Variants in UBR3 observed in about 807,000 individuals in gnomAD.
UBR3 encodes ubiquitin protein ligase E3 component n-recognin 3.
In UBR3, 85 loss-of-function variants were observed where a neutral mutation model predicts 243.2. The ratio of observed to expected loss-of-function variants is 0.35; its 90% CI spans 0.29 to 0.42. The LOEUF (loss-of-function observed/expected upper bound fraction) is 0.42, where lower values mean the gene tolerates loss of function less well. Ranked by LOEUF, UBR3 falls within the 10% of genes least tolerant of loss-of-function variation. UBR3 has a pLI of 1.00. For synonymous variants in UBR3, 748 were observed against 799.8 expected (o/e 0.94, Z 1.09); for missense variants, 1,686 against 2,300.8 (o/e 0.73, Z 5.47).
chr2:169,839,096 T>G (rs1441349237), intron 1 of UBR3, among the ~76,000 whole-genome samples: 1 of 152,206 alleles, frequency 6.6e-6, no homozygotes, highest in African/African-American at 2.4e-5. Context: ...CCATTCATAG[T>G]AGCCAAAATA....
At chr2:169,909,739 G>GTA (rs1252289646) in intron 10 of UBR3, among the ~76,000 whole-genome samples, 3 of 114,802 alleles carry the variant, frequency 2.6e-5, no homozygotes, top group Admixed American at 9.1e-5. Flanking sequence ...ATGTGTGTGT[G>GTA]TGTATATATA....
intron 24 of UBR3, among the ~76,000 whole-genome samples, chr2:169,960,236 CAAAA>C (rs11461641): frequency 1.1e-4 from 7 of 63,998 alleles, no homozygotes; most frequent in East Asian, 7.0e-4. Flanking sequence ...GTGACAAGAG[CAAAA>C]AAAAAAAAAA....
At chr2:170,013,421 A>G (rs1223195839) in intron 29 of UBR3, among the ~76,000 whole-genome samples, 2 of 152,130 alleles carry the variant, frequency 1.3e-5, no homozygotes, top group Non-Finnish European at 2.9e-5. Context: ...TGGGCAACAC[A>G]GCAAGACTTC....
At chr2:169,845,196 G>C (rs1434351797) in intron 1 of UBR3, among the ~76,000 whole-genome samples, 1 of 152,044 alleles carries the variant, frequency 6.6e-6, no homozygotes, top group African/African-American at 2.4e-5. Context: ...GGTGAGGGTG[G>C]TGAATCACTT....
chr2:170,070,653 C>A (rs1019286570), intron 35 of UBR3, among the ~76,000 whole-genome samples: 1 of 151,984 alleles, frequency 6.6e-6, no homozygotes, highest in African/African-American at 2.4e-5. Flanking sequence ...GATAGATGTA[C>A]AAAAATTTCA....
intron 35 of UBR3, among the ~76,000 whole-genome samples, chr2:170,065,905 C>T (rs765630644): frequency 2.2e-4 from 33 of 151,010 alleles, no homozygotes; most frequent in Non-Finnish European, 4.3e-4. Flanking sequence ...TATTTTGAGC[C>T]GTGGAAGTGA....
Position 169,852,871 on chromosome 2 carries a change from A to C in UBR3, c.546-19365A>C, listed in dbSNP as rs1254326474. On this transcript the variant is annotated intron_variant, in intron 1 of 38. Transcript: ENST00000272793. Reference sequence around the variant, plus strand: ...ATCTCAAAAAAAAAAAAAAAAAAAAAAAAAAAACAAAACCAAACAAATTGA... The same window carrying C: ...ATCTCAAAAAAAAAAAAAAAAAAAACAAAAAAACAAAACCAAACAAATTGA... Among the ~76,000 whole-genome samples, 14 of 145,068 alleles carry C rather than the reference A, an allele frequency of 9.7e-5. 2 individuals carry two copies. The highest frequency in any genetic ancestry group is 1.2e-4 in the Non-Finnish European group (8 of 65,140).
intron 26 of UBR3, among the ~76,000 whole-genome samples, chr2:169,995,175 G>A (rs921801941): frequency 2.6e-5 from 4 of 152,044 alleles, no homozygotes; most frequent in Non-Finnish European, 4.4e-5. Flanking sequence ...ATAACGATGT[G>A]GTATGAAAGG....
intron 24 of UBR3, among the ~76,000 whole-genome samples, chr2:169,981,567 AACATAAGGAG>A (rs754698705): frequency 1.2e-4 from 19 of 152,114 alleles, no homozygotes; most frequent in Non-Finnish European, 2.4e-4. Context: ...TTCTTAGAAG[AACATAAGGAG>A]ACATAACAAC....
intron 35 of UBR3, among the ~76,000 whole-genome samples, chr2:170,068,330 T>C (rs890761350): frequency 1.3e-5 from 2 of 152,004 alleles, no homozygotes; most frequent in African/African-American, 2.4e-5. Context: ...TAGCCGGGCA[T>C]GTTGGTGTGC....
intron 31 of UBR3, among the ~76,000 whole-genome samples, chr2:170,034,809 G>C (rs2090780699): frequency 6.6e-6 from 1 of 151,950 alleles, no homozygotes; most frequent in African/African-American, 2.4e-5. Flanking sequence ...GAGAGTTCTT[G>C]TTACTCCACA....
At chr2:169,878,240 A>T (rs1050924530) in intron 4 of UBR3, among the ~76,000 whole-genome samples, 2 of 152,164 alleles carry the variant, frequency 1.3e-5, no homozygotes, top group African/African-American at 4.8e-5. Context: ...AGGCGCCTGT[A>T]AGCCCAGCTA....
Position 169,960,864 on chromosome 2 carries a change from G to A in UBR3, c.3634+2338G>A, listed in dbSNP as rs150436375. Among the ~76,000 whole-genome samples the A allele has an allele frequency of 5.2e-4, 79 of 152,208 alleles. 1 individual carries two copies. Among genetic ancestry groups the A allele is most frequent in the Middle Eastern group, 3.4e-3 (1 of 294 alleles). The stretch of plus-strand genomic sequence containing the variant: ...TGTTGAGTACAAGACTAGATAATGT[G>A]CTACATAATGGTTCTACATCGACTG... On this transcript the variant is annotated intron_variant, in intron 24 of 38. Coordinates refer to ENST00000272793, the MANE Select transcript of UBR3 (RefSeq NM_172070.4).
chr2:170,043,069 T>C (rs1323669496), intron 32 of UBR3, among the ~76,000 whole-genome samples: 2 of 152,160 alleles, frequency 1.3e-5, no homozygotes, highest in Admixed American at 6.5e-5. Context: ...ATTAGTAGTA[T>C]TACGTTTTGA....
In UBR3 at chr2:170,080,173, T is replaced by TA. The variant is rs557604044; in HGVS notation, c.5409+157dup. On this transcript the variant is annotated intron_variant, in intron 37 of 38. Transcript: ENST00000272793. Reference sequence around the variant, plus strand: ...TGTGTTTTTTAATCCAGTAGAAGAGTAAAAAAAGAAAGTCTTTGAGGCTTT... The same window carrying TA: ...TGTGTTTTTTAATCCAGTAGAAGAGTAAAAAAAAGAAAGTCTTTGAGGCTTT... 1,719 of 776,754 alleles carry TA rather than the reference T, an allele frequency of 2.2e-3. 21 individuals carry two copies. In the African/African-American group the frequency reaches 0.025, roughly 11 times the overall value. The allele number at this position is 776,754 out of a possible 1,614,324, so 48.1% of individuals were successfully genotyped here.
At chr2:170,025,477 G>A (rs146736990) in intron 30 of UBR3, among the ~76,000 whole-genome samples, 149 of 152,236 alleles carry the variant, frequency 9.8e-4, no homozygotes, top group African/African-American at 3.2e-3. Flanking sequence ...GACATGACAC[G>A]TTGGGGAATA....
At chr2:169,831,107 T>TTTTATA (rs1553486390) in intron 1 of UBR3, among the ~76,000 whole-genome samples, 7 of 28,738 alleles carry the variant, frequency 2.4e-4, no homozygotes, top group Non-Finnish European at 3.2e-4. Context: ...AGTTGGTACA[T>TTTTATA]TATATATATA....
chr2:170,002,222 C>T (rs779176355), intron 27 of UBR3, among the ~76,000 whole-genome samples: 37 of 152,138 alleles, frequency 2.4e-4, no homozygotes, highest in Admixed American at 6.6e-4. Flanking sequence ...TAATCAGCCT[C>T]CTTTGATTTT....
intron 8 of UBR3, among the ~76,000 whole-genome samples, chr2:169,903,673 TGAGTATGACAGGTA>T (rs2084911627): frequency 6.6e-6 from 1 of 152,160 alleles, no homozygotes; most frequent in Admixed American, 6.5e-5. Context: ...TCCTGACTGA[TGAGTATGACAGGTA>T]GATAGGTAGT....
Sources: gnomAD v4.1 joint callset for allele counts (sites outside exome capture counted in the v4.1 genomes callset) on GRCh38, gnomAD v4.1.1 for gene constraint, MANE v1.5 for transcripts, NCBI Gene and HGNC (gene_info 2026-07-23, HGNC 2026-07-21) for gene names.